Variants in GALNTL6 observed in about 807,000 individuals in gnomAD.
GALNTL6 encodes the protein polypeptide N-acetylgalactosaminyltransferase-like 6.
In GALNTL6, 46 loss-of-function variants were observed where a neutral mutation model predicts 73.7. The ratio of observed to expected loss-of-function variants is 0.62; its 90% CI spans 0.49 to 0.80. The LOEUF (loss-of-function observed/expected upper bound fraction) is 0.80, where lower values mean the gene tolerates loss of function less well. Ranked by LOEUF, GALNTL6 falls within the 30% of genes least tolerant of loss-of-function variation. The probability of loss-of-function intolerance (pLI) is 0.00; values close to 1 mark genes in which losing one functional copy is unlikely to be tolerated. For missense variants in GALNTL6, 604 were observed against 755.0 expected (o/e 0.80, Z 2.34); for synonymous variants, 259 against 263.7 (o/e 0.98, Z 0.17).
chr4:172,648,764 T>C (rs1740352551), intron 5 of GALNTL6, among the ~76,000 whole-genome samples: 1 of 152,216 alleles, frequency 6.6e-6, no homozygotes, highest in African/African-American at 2.4e-5. Flanking sequence ...CTTTTGCTGA[T>C]ATTTGCATTC....
At chr4:172,357,634 T>TATACACACACAC (rs138075846) in intron 5 of GALNTL6, among the ~76,000 whole-genome samples, 7 of 145,750 alleles carry the variant, frequency 4.8e-5, no homozygotes, top group African/African-American at 1.6e-4. Context: ...TATAGATATA[T>TATACACACACAC]ACACACACAC....
intron 2 of GALNTL6, among the ~76,000 whole-genome samples, chr4:171,866,008 T>TA (rs1224013688): frequency 6.6e-6 from 1 of 152,076 alleles, no homozygotes; most frequent in African/African-American, 2.4e-5. Flanking sequence ...CTGTTAAATA[T>TA]AAAAAAGGCT....
chr4:172,072,799 C>G (rs1032204835), intron 2 of GALNTL6, among the ~76,000 whole-genome samples: 8 of 152,268 alleles, frequency 5.3e-5, no homozygotes, highest in Non-Finnish European at 7.4e-5. Flanking sequence ...TCCTGACTAC[C>G]AATAGCCTTC....
At position 172,199,111 on chromosome 4, in the gene GALNTL6, C is replaced by T. The variant is rs12640027; in HGVS notation, c.139-30545C>T. On this transcript the variant is annotated intron_variant, in intron 2 of 12. Coordinates refer to ENST00000506823, the MANE Select transcript of GALNTL6 (RefSeq NM_001034845.3). The stretch of plus-strand genomic sequence containing the variant: ...CTTGAGAGCAGACTGTGGTAGCCAC[C>T]GTTTTATCCTCCACTCCTGAAAAAA... Among the ~76,000 whole-genome samples, 309 of 152,218 alleles carry T rather than the reference C, an allele frequency of 2.0e-3. 9 individuals are homozygous for T. The East Asian group carries it at 0.055, about 27-fold the overall frequency.
intron 2 of GALNTL6, among the ~76,000 whole-genome samples, chr4:171,879,332 C>T (rs553363577): frequency 1.3e-5 from 2 of 152,178 alleles, no homozygotes; most frequent in Non-Finnish European, 1.5e-5. Context: ...GTGAAAATGG[C>T]ATATAGAAGC....
In GALNTL6 at chr4:172,195,701, T is replaced by C. The variant is rs1294766124; in HGVS notation, c.139-33955T>C. Among the ~76,000 whole-genome samples, 5 of 151,982 alleles carry C rather than the reference T, an allele frequency of 3.3e-5. No homozygotes were observed. In the East Asian group the frequency reaches 5.8e-4, roughly 18 times the overall value. ...TCCTGAATGACTCTTGGGTGAATAA[T>C]GAAATTAAGGCAGAAATCAAGAAGT... is the stretch of plus-strand genomic sequence containing the variant. On this transcript the variant is annotated intron_variant, in intron 2 of 12. Coordinates refer to ENST00000506823, the MANE Select transcript of GALNTL6 (RefSeq NM_001034845.3).
chr4:172,882,143 CTTGAAAATTATTAT>C (rs933011122), intron 7 of GALNTL6, among the ~76,000 whole-genome samples: 2 of 152,010 alleles, frequency 1.3e-5, no homozygotes, highest in Admixed American at 1.3e-4. Context: ...GAGTGGAATA[CTTGAAAATTATTAT>C]TTAATCAAAA....
At chr4:171,825,583 G>T (rs1464120221) in intron 2 of GALNTL6, among the ~76,000 whole-genome samples, 3 of 152,104 alleles carry the variant, frequency 2.0e-5, no homozygotes, top group Non-Finnish European at 4.4e-5. Flanking sequence ...CAAAGATCTT[G>T]AGTTCTAATA....
intron 3 of GALNTL6, among the ~76,000 whole-genome samples, chr4:172,250,096 G>C (rs1234913631): frequency 2.6e-5 from 4 of 152,128 alleles, no homozygotes; most frequent in Admixed American, 2.6e-4. Context: ...GCTGTACCCT[G>C]CAAAGCCGTA....
chr4:172,974,736 A>G (rs1479622154), intron 10 of GALNTL6, among the ~76,000 whole-genome samples: 3 of 152,196 alleles, frequency 2.0e-5, no homozygotes, highest in African/African-American at 7.2e-5. Context: ...CCAAGTGCAG[A>G]CTGGTGAGGG....
At chr4:172,084,273 T>C (rs561841419) in intron 2 of GALNTL6, among the ~76,000 whole-genome samples, 1 of 152,200 alleles carries the variant, frequency 6.6e-6, no homozygotes, top group East Asian at 1.9e-4. Flanking sequence ...AAATGGAGTA[T>C]GAGAAAATGA....
At chr4:171,922,372 C>A (rs1447962509) in intron 2 of GALNTL6, among the ~76,000 whole-genome samples, 1 of 152,046 alleles carries the variant, frequency 6.6e-6, no homozygotes, top group African/African-American at 2.4e-5. Context: ...TCATTTATAA[C>A]AACCTCCAGA....
At chr4:173,009,697 A>C (rs17059082) in intron 11 of GALNTL6, among the ~76,000 whole-genome samples, 27,133 of 152,078 alleles carry the variant, frequency 0.18, 2,730 homozygotes, top group African/African-American at 0.27. Context: ...GTCATCTTAA[A>C]CTTGCTTTTC....
At chr4:172,843,155 T>C (rs952917322) in intron 7 of GALNTL6, among the ~76,000 whole-genome samples, 1 of 152,120 alleles carries the variant, frequency 6.6e-6, no homozygotes, top group Non-Finnish European at 1.5e-5. Context: ...GGCACTTCAT[T>C]TTCACTTTAT....
rs543827214 is a variant in GALNTL6, at chr4:172,626,013, T to C, written c.554-183348T>C. On this transcript the variant is annotated intron_variant, in intron 5 of 12. Transcript: ENST00000506823. The stretch of plus-strand genomic sequence containing the variant: ...AGTTTCTTTGGCTGTACAGAAGCCC[T>C]TTAGTTTAATTAGATCTCACTTGTC... 3.9e-5 allele frequency among the ~76,000 whole-genome samples: 6 copies of C among 152,172 alleles called. No homozygotes were observed. The South Asian group carries it at 6.2e-4, about 16-fold the overall frequency.
At chr4:172,025,864 C>A (rs1190982596) in intron 2 of GALNTL6, among the ~76,000 whole-genome samples, 1 of 151,730 alleles carries the variant, frequency 6.6e-6, no homozygotes, top group African/African-American at 2.4e-5. Context: ...ATTCAAAATT[C>A]TCAGGAGAAA....
At chr4:172,373,105 C>T (rs145289190) in intron 5 of GALNTL6, among the ~76,000 whole-genome samples, 3,123 of 152,300 alleles carry the variant, frequency 0.021, 103 homozygotes, top group African/African-American at 0.07. Context: ...GACCAGAGTG[C>T]CTGGACTTGA....
chr4:172,854,015 C>T (rs745578206), intron 7 of GALNTL6, among the ~76,000 whole-genome samples: 1 of 152,162 alleles, frequency 6.6e-6, no homozygotes, highest in East Asian at 1.9e-4. Context: ...CATTCAAGAT[C>T]CAATGTAATC....
At chr4:172,496,450 G>T (rs1468133054) in intron 5 of GALNTL6, among the ~76,000 whole-genome samples, 1 of 152,168 alleles carries the variant, frequency 6.6e-6, no homozygotes, top group Non-Finnish European at 1.5e-5. Flanking sequence ...AGCACTTTGG[G>T]AGGCTGAGGT....
Sources: allele counts gnomAD v4.1 joint callset (sites outside exome capture counted in the v4.1 genomes callset), GRCh38; gene constraint gnomAD v4.1.1; transcripts MANE v1.5; gene names NCBI Gene and HGNC (gene_info 2026-07-23, HGNC 2026-07-21).